ARFGEF1: variants seen among roughly 807,000 people sequenced by gnomAD.
ARFGEF1 encodes the protein brefeldin A-inhibited guanine nucleotide-exchange protein 1.
ARFGEF1 carries 42 observed loss-of-function variants against 231.0 expected under a neutral mutation model. The observed-to-expected ratio is 0.18, with a 90% CI of 0.14 to 0.24. The LOEUF (loss-of-function observed/expected upper bound fraction) is 0.24, where lower values mean the gene tolerates loss of function less well. ARFGEF1 is among the 10% of genes least tolerant of loss of function. The probability of loss-of-function intolerance (pLI) is 1.00; values close to 1 mark genes in which losing one functional copy is unlikely to be tolerated. For missense variants in ARFGEF1, 1,345 were observed against 2,192.0 expected, an observed-to-expected ratio of 0.61 and a Z score of 7.72; for synonymous variants, 710 against 732.3, an observed-to-expected ratio of 0.97 and a Z score of 0.49.
At chr8:67,175,701 G>C in intron 5 of ARFGEF1, 1 of 555,992 alleles carries the variant, frequency 1.8e-6, no homozygotes, top group Non-Finnish European at 3.4e-6. Flanking sequence ...GACCAGGCCA[G>C]GTGACGTCTG....
In ARFGEF1 at chr8:67,301,685, T is replaced by C. The variant is rs145762464; in HGVS notation, c.156-305A>G. Among the ~76,000 whole-genome samples the C allele has an allele frequency of 8.5e-5, 13 of 152,338 alleles. No individual in the cohort carries two copies. The East Asian group carries it at 2.1e-3, about 25-fold the overall frequency. ...AATATTTTATTGTCACTTAACAAAT[T>C]TGGTATCATAATACCTTAAAAAGCA... On this transcript the variant is annotated intron_variant, in intron 2 of 38. Transcript: ENST00000262215.
At chr8:67,312,742 C>T (rs1159512031) in intron 1 of ARFGEF1, among the ~76,000 whole-genome samples, 2 of 152,162 alleles carry the variant, frequency 1.3e-5, no homozygotes, top group Admixed American at 1.3e-4. Context: ...CTAATGTATG[C>T]AGAAAAAGTA....
intron 1 of ARFGEF1, among the ~76,000 whole-genome samples, chr8:67,307,754 A>G (rs889601024): frequency 6.6e-5 from 10 of 152,158 alleles, no homozygotes; most frequent in South Asian, 2.1e-4. Context: ...AACGACCACT[A>G]TGGTATCTGC....
intron 17 of ARFGEF1, among the ~76,000 whole-genome samples, chr8:67,255,937 A>T (rs1442030147): frequency 6.6e-6 from 1 of 152,270 alleles, no homozygotes; most frequent in Non-Finnish European, 1.5e-5. Flanking sequence ...GGAATTTTTA[A>T]TATTTCTTCA....
chr8:67,316,755 C>T (rs773064267), intron 1 of ARFGEF1, among the ~76,000 whole-genome samples: 9 of 152,182 alleles, frequency 5.9e-5, no homozygotes, highest in Admixed American at 2.0e-4. Flanking sequence ...CCACCATCCT[C>T]AGCCTGAACT....
intron 10 of ARFGEF1, among the ~76,000 whole-genome samples, chr8:67,268,275 T>C (rs1409948487): frequency 6.6e-6 from 1 of 152,202 alleles, no homozygotes; most frequent in Non-Finnish European, 1.5e-5. Context: ...CAGTATCTCC[T>C]ATAGACTGTA....
intron 9 of ARFGEF1, among the ~76,000 whole-genome samples, chr8:67,273,524 T>C (rs56070137): frequency 0.089 from 13,441 of 151,692 alleles, 1,255 homozygotes; most frequent in African/African-American, 0.24. Context: ...TGAAAAATTT[T>C]ATGGTTATAA....
chr8:67,309,021 G>A (rs1250988603), intron 1 of ARFGEF1, among the ~76,000 whole-genome samples: 1 of 152,072 alleles, frequency 6.6e-6, no homozygotes, highest in East Asian at 1.9e-4. Flanking sequence ...TCAGATGAAT[G>A]GATAAAGACA....
At chr8:67,225,087 A>G (rs1379396860) in intron 28 of ARFGEF1, 54 bp from the exon 29 acceptor site, 7 of 1,459,890 alleles carry the variant, frequency 4.8e-6, no homozygotes, top group African/African-American at 1.4e-5. Context: ...CCATACATTC[A>G]GTATACTAAC....
At chr8:67,199,896 T>C (rs1343907157) in intron 38 of ARFGEF1, 1 of 230,294 alleles carries the variant, frequency 4.3e-6, no homozygotes, top group Non-Finnish European at 8.9e-6. Context: ...CATATATGTG[T>C]ATTTTATCTT....
At chr8:67,340,667 A>C (rs992398518) in intron 1 of ARFGEF1, among the ~76,000 whole-genome samples, 3 of 152,238 alleles carry the variant, frequency 2.0e-5, no homozygotes, top group Non-Finnish European at 4.4e-5. Flanking sequence ...GAGATTACTG[A>C]GATTTTGCTT....
At chr8:67,289,607 T>G (rs968124151) in intron 6 of ARFGEF1, among the ~76,000 whole-genome samples, 2 of 148,682 alleles carry the variant, frequency 1.3e-5, no homozygotes, top group African/African-American at 2.5e-5. Flanking sequence ...GACCACTACT[T>G]ATAATAGTGG....
At position 67,266,195 on chromosome 8, in the gene ARFGEF1, G is replaced by A; in HGVS notation, c.1934C>T (p.Pro645Leu). The A allele has an allele frequency of 6.2e-7, 1 of 1,612,970 alleles. No individual in the cohort carries two copies. The highest frequency in any genetic ancestry group is 1.1e-5 in the South Asian group (1 of 91,000). Residue 645 changes from proline (P) to leucine (L), a missense_variant, in exon 14 of 39, where the codon CCC becomes CTC. Pro to Leu is a moderately conservative substitution (Grantham distance 98). Coordinates refer to ENST00000262215, the MANE Select transcript of ARFGEF1 (RefSeq NM_006421.5). ...GATTTCACTCATCTCTTGCTCTGAG[G>A]GTTTTTCCTGACCTGAAAGAAGAAA... is the stretch of plus-strand genomic sequence containing the variant. ...NSQTTLGQEK[P>L]SEQEMSEIKH...
chr8:67,318,065 A>G (rs372909988), intron 1 of ARFGEF1, among the ~76,000 whole-genome samples: 2 of 150,744 alleles, frequency 1.3e-5, no homozygotes, highest in Non-Finnish European at 3.0e-5. Context: ...GTGAAACCCC[A>G]TCTCTACTAA....
chr8:67,175,293 C>T (rs1470495151), downstream of ARFGEF1: 1 of 1,600,394 alleles, frequency 6.2e-7, no homozygotes, highest in East Asian at 2.2e-5. Flanking sequence ...TTTTTTATAC[C>T]AGATTCAGAA....
Position 67,267,048 on chromosome 8 carries a change from T to C in ARFGEF1, c.1812+43A>G, listed in dbSNP as rs375918813. The stretch of plus-strand genomic sequence containing the variant: ...CTTTTAAGGAAAACACATGACTCTT[T>C]CCTGGTAAAGTTTAAATTTGAAAAT... On this transcript the variant is annotated intron_variant, in intron 12 of 38. Transcript: ENST00000262215. 37 of 1,610,004 alleles carry C rather than the reference T, an allele frequency of 2.3e-5. No individual in the cohort carries two copies. The African/African-American group carries it at 4.8e-4, about 21-fold the overall frequency.
downstream of ARFGEF1, among the ~76,000 whole-genome samples, chr8:67,196,695 T>C (rs551906324): frequency 1.3e-5 from 2 of 152,324 alleles, no homozygotes; most frequent in South Asian, 2.1e-4. Flanking sequence ...ATTTGTTCTG[T>C]TGTCATCTGA....
chr8:67,323,763 T>C (rs1271734018), intron 1 of ARFGEF1, among the ~76,000 whole-genome samples: 1 of 152,168 alleles, frequency 6.6e-6, no homozygotes, highest in Non-Finnish European at 1.5e-5. Flanking sequence ...AACAGTTTAT[T>C]AACAGTCTCA....
chr8:67,255,804 C>A (rs536096407), intron 17 of ARFGEF1, among the ~76,000 whole-genome samples: 4 of 152,224 alleles, frequency 2.6e-5, no homozygotes, highest in African/African-American at 9.7e-5. Context: ...GGACTCCAAG[C>A]ACATGTTCTG....
Sources: allele counts gnomAD v4.1 joint callset (sites outside exome capture counted in the v4.1 genomes callset), GRCh38; gene constraint gnomAD v4.1.1; transcripts MANE v1.5; gene names NCBI Gene and HGNC (gene_info 2026-07-23, HGNC 2026-07-21).